Variants in ACTN1 observed in about 807,000 individuals in gnomAD.
ACTN1 encodes the protein alpha-actinin-1.
Under a neutral mutation model 119.6 loss-of-function variants are expected in ACTN1, and 30 were observed. That is an observed-to-expected ratio of 0.25 (90% CI 0.19 to 0.34). ACTN1 has a LOEUF of 0.34. Ranked by LOEUF, ACTN1 falls within the 10% of genes least tolerant of loss-of-function variation. The probability of loss-of-function intolerance (pLI) is 1.00; values close to 1 mark genes in which losing one functional copy is unlikely to be tolerated. For synonymous variants in ACTN1, 429 were observed against 472.6 expected, an observed-to-expected ratio of 0.91 and a Z score of 1.20; for missense variants, 764 against 1,223.4, an observed-to-expected ratio of 0.62 and a Z score of 5.60.
Position 68,882,503 on chromosome 14 carries a change from T to G in ACTN1, c.1908A>C (p.Gly636=). Residue 636 remains glycine, a synonymous_variant, in exon 16 of 22, where the codon GGA becomes GGC. Transcript: ENST00000394419. The surrounding 1 kb of genome is among the most constrained non-coding windows in gnomAD (Gnocchi z 4.5). Reference sequence around the variant, plus strand: ...AGGGCCCGATGACATTGGCCTGGGCTCCAAACTGCTTGCGTAGCCTCTCAT... The same window carrying G: ...AGGGCCCGATGACATTGGCCTGGGCGCCAAACTGCTTGCGTAGCCTCTCAT... The part of the protein sequence containing the change: ...QHNERLRKQF[G]AQANVIGPWI... 1 of 1,614,162 alleles carries G rather than the reference T, an allele frequency of 6.2e-7. No homozygotes were observed. Among genetic ancestry groups the G allele is most frequent in the Non-Finnish European group, 8.5e-7 (1 of 1,180,040 alleles).
chr14:68,971,309 G>A (rs970605916), intron 1 of ACTN1, among the ~76,000 whole-genome samples: 3 of 152,224 alleles, frequency 2.0e-5, no homozygotes, highest in African/African-American at 7.2e-5. Flanking sequence ...TACTTACTTG[G>A]AAAACCAAGA....
chr14:68,897,731 C>T (rs778501256), intron 8 of ACTN1, among the ~76,000 whole-genome samples: 1 of 152,256 alleles, frequency 6.6e-6, no homozygotes, highest in Non-Finnish European at 1.5e-5. Context: ...CCGGAGTCAG[C>T]CACCAAGCCC....
At chr14:68,946,746 C>A (rs1395614749) in intron 1 of ACTN1, among the ~76,000 whole-genome samples, 1 of 152,212 alleles carries the variant, frequency 6.6e-6, no homozygotes, top group African/African-American at 2.4e-5. Context: ...ATCCATCCCC[C>A]ACTTAGTCTC....
Position 68,921,031 on chromosome 14 carries a change from G to T in ACTN1, c.315C>A (p.Val105=), listed in dbSNP as rs757298976. ...CTTCGGCTCCGATGGACACCAGTTTGACGCCTTTGCTGGCTATGAAATCCA... is the reference window on the plus strand; with the variant it reads ...CTTCGGCTCCGATGGACACCAGTTTTACGCCTTTGCTGGCTATGAAATCCA... The part of the protein sequence containing the change: ...KALDFIASKG[V]KLVSIGAEEI... The change falls in exon 3 of 22, where the codon GTC becomes GTA. Residue 105 remains valine (V), a synonymous_variant. Coordinates refer to ENST00000394419, the MANE Select transcript of ACTN1 (RefSeq NM_001130004.2). 8.7e-6 allele frequency: 14 copies of T among 1,614,050 alleles called. No individual in the cohort carries two copies. In the Admixed American group the frequency reaches 2.3e-4, roughly 27 times the overall value.
chr14:68,943,008 T>G (rs2035815636), intron 1 of ACTN1, among the ~76,000 whole-genome samples: 1 of 152,048 alleles, frequency 6.6e-6, no homozygotes, highest in Admixed American at 6.5e-5. Context: ...AACACAAAGT[T>G]TCTTCTCCCA....
chr14:68,938,910 A>G (rs2035656368), intron 1 of ACTN1, among the ~76,000 whole-genome samples: 2 of 151,962 alleles, frequency 1.3e-5, no homozygotes, highest in African/African-American at 4.8e-5. Flanking sequence ...GGAGATGGGG[A>G]GGGGGGAGTG....
At chr14:68,893,284 TA>T (rs2032635771) in intron 9 of ACTN1, among the ~76,000 whole-genome samples, 1 of 152,154 alleles carries the variant, frequency 6.6e-6, no homozygotes. Context: ...CCGAAAACCC[TA>T]CCCTCACCCT....
intron 1 of ACTN1, 133 bp downstream of exon 1, chr14:68,978,819 C>T: frequency 1.9e-6 from 1 of 527,962 alleles, no homozygotes; most frequent in Non-Finnish European, 3.1e-6. Flanking sequence ...TCGCAACGGC[C>T]GCACCGCCCC....
In ACTN1 at chr14:68,882,931, G is replaced by A. The variant is rs555037578; in HGVS notation, c.1760C>T (p.Ala587Val). ...GATGGTTGTGTAGGGGTTGGTGCCC[G>A]CCATATTGACGTGGTAGGTCTGGAC... ...KIVQTYHVNM[A>V]GTNPYTTITP... Residue 587 changes from alanine to valine, a missense_variant, in exon 15 of 22, where the codon GCG (alanine) becomes GTG (valine). By Grantham distance (64) the Ala-to-Val change is moderately conservative (BLOSUM62 0). This residue lies in a region of ACTN1 where 544 missense variants were observed against 912.0 expected (regional missense o/e 0.60). Coordinates refer to ENST00000394419, the MANE Select transcript of ACTN1 (RefSeq NM_001130004.2). The surrounding 1 kb of genome is among the most constrained non-coding windows in gnomAD (Gnocchi z 4.5). The A allele has an allele frequency of 4.1e-5, 66 of 1,614,010 alleles. No homozygotes were observed. Among genetic ancestry groups the A allele is most frequent in the Admixed American group, 1.2e-4 (7 of 60,010 alleles).
rs143389814 is a variant in ACTN1 at position 68,896,257 on chromosome 14, G to A, written c.763-2510C>T. Among the ~76,000 whole-genome samples the A allele has an allele frequency of 6.6e-3, 1,005 of 152,056 alleles. 8 individuals carry two copies. Among genetic ancestry groups the A allele is most frequent in the African/African-American group, 0.023 (948 of 41,452 alleles). On this transcript the variant is annotated intron_variant, in intron 8 of 21. Transcript: ENST00000394419. ...GAACCTCATCCTCTCCCTTTCTCTC[G>A]CAGCCTGACTCCCCCTACAGGCAGG...
chr14:68,978,836 C>G (rs2037162403), intron 1 of ACTN1, 116 bp downstream of exon 1: 2 of 629,572 alleles, frequency 3.2e-6, no homozygotes, highest in South Asian at 2.5e-5. Flanking sequence ...CCCCCGCCCC[C>G]TCCCGTGCGC....
At position 68,909,360 on chromosome 14, in the gene ACTN1, G is replaced by A. The variant is rs2033859336; in HGVS notation, c.552C>T (p.His184=). ...KDGLGFCALI[H]RHRPELIDYG... is the part of the protein sequence containing the mutation. The stretch of plus-strand genomic sequence containing the variant: ...AGTCAATCAGCTCGGGCCGGTGTCG[G>A]TGGATCAAAGCACAGAAGCCGAGGC... Residue 184 remains histidine, a synonymous_variant, in exon 6 of 22, where the codon CAC becomes CAT. Transcript: ENST00000394419. The surrounding 1 kb of genome is among the most constrained non-coding windows in gnomAD (Gnocchi z 4.1). The A allele has an allele frequency of 1.9e-6, 3 of 1,614,104 alleles. No homozygotes were observed. Among genetic ancestry groups the A allele is most frequent in the Non-Finnish European group, 2.5e-6 (3 of 1,180,010 alleles).
chr14:68,954,574 C>T (rs546045835), intron 1 of ACTN1, among the ~76,000 whole-genome samples: 54 of 152,322 alleles, frequency 3.5e-4, no homozygotes, highest in African/African-American at 1.3e-3. Context: ...GATCCGCCCA[C>T]CTTGGCCTCC....
intron 1 of ACTN1, among the ~76,000 whole-genome samples, chr14:68,975,569 C>A (rs929628225): frequency 1.3e-5 from 2 of 152,134 alleles, no homozygotes; most frequent in African/African-American, 4.8e-5. Context: ...TGACTGGGTA[C>A]ACACATACAC....
intron 6 of ACTN1, among the ~76,000 whole-genome samples, chr14:68,906,692 C>T (rs1216473735): frequency 1.3e-5 from 2 of 152,204 alleles, no homozygotes; most frequent in African/African-American, 4.8e-5. Flanking sequence ...CAGTCGGAGC[C>T]CCTCAGCCCT....
chr14:68,973,312 C>T (rs1295077436), intron 1 of ACTN1, among the ~76,000 whole-genome samples: 1 of 152,290 alleles, frequency 6.6e-6, no homozygotes, highest in South Asian at 2.1e-4. Context: ...CCCCACATGT[C>T]GTGGGAGGGA....
At chr14:68,940,798 C>T (rs2035738635) in intron 1 of ACTN1, among the ~76,000 whole-genome samples, 1 of 152,186 alleles carries the variant, frequency 6.6e-6, no homozygotes, top group Non-Finnish European at 1.5e-5. Context: ...AAGCTCCTCT[C>T]CAAAGGTCAA....
In ACTN1 at chr14:68,883,048, G is replaced by A; in HGVS notation, c.1643C>T (p.Thr548Ile). The A allele has an allele frequency of 6.2e-7, 1 of 1,614,090 alleles. No individual in the cohort carries two copies. Among genetic ancestry groups the A allele is most frequent in the South Asian group, 1.1e-5 (1 of 91,076 alleles). The part of the protein sequence containing the change: ...VHTIEEIQGL[T>I]TAHEQFKATL... ...GGCCTTGAACTGCTCATGGGCTGTG[G>A]TCAGTCCCTGGACAGAGATGGGAAT... The change falls in exon 15 of 22, where the codon ACC becomes ATC. Residue 548 changes from threonine (T) to isoleucine (I), a missense_variant. Physicochemically the swap from Thr to Ile is moderately conservative, Grantham distance 89. Transcript: ENST00000394419.
At chr14:68,975,543 T>G (rs1204141370) in intron 1 of ACTN1, among the ~76,000 whole-genome samples, 2 of 152,270 alleles carry the variant, frequency 1.3e-5, no homozygotes, top group African/African-American at 4.8e-5. Context: ...CTCTCCAGCT[T>G]GACCTACCTC....
Sources: gnomAD v4.1 joint callset for allele counts (sites outside exome capture counted in the v4.1 genomes callset) on GRCh38, gnomAD v4.1.1 for gene constraint, gnomAD v4.1.1 regional missense constraint, Gnocchi (gnomAD v3.1) non-coding constraint, MANE v1.5 for transcripts, NCBI Gene and HGNC (gene_info 2026-07-23, HGNC 2026-07-21) for gene names.